The following MYO1H variants were observed in gnomAD, a reference collection of about 807,000 sequenced individuals.
MYO1H encodes the protein myosin IH, also known as unconventional myosin-Ih.
In MYO1H, 118 loss-of-function variants were observed where a neutral mutation model predicts 149.3. The ratio of observed to expected loss-of-function variants is 0.79; its 90% CI spans 0.68 to 0.92. MYO1H has a LOEUF of 0.92. Among genes scored for constraint, MYO1H ranks in the 40% least tolerant of loss-of-function variants. MYO1H has a pLI of 0.00. For missense variants in MYO1H, 1,212 were observed against 1,280.7 expected (o/e 0.95, Z 0.82); for synonymous variants, 447 against 465.2 (o/e 0.96, Z 0.50).
chr12:109,442,795 C>CTGCCTTTTTTTTTTTTTTTTTT (rs1165995755), intron 27 of MYO1H, among the ~76,000 whole-genome samples: 2 of 94,040 alleles, frequency 2.1e-5, no homozygotes, highest in Admixed American at 1.1e-4. Context: ...AGTGTCTGCT[C>CTGCCTTTTTTTTTTTTTTTTTT]TTTTTTTTTT....
At chr12:109,439,852 C>G in intron 24 of MYO1H, 62 bp downstream of exon 24, 1 of 1,458,464 alleles carries the variant, frequency 6.9e-7, no homozygotes, top group Non-Finnish European at 9.5e-7. Context: ...AAGCTTAACT[C>G]TTGCATGTCT....
chr12:109,332,438 G>T, the MYO1H span, among the ~76,000 whole-genome samples: 2 of 152,276 alleles, frequency 1.3e-5, no homozygotes, highest in South Asian at 4.1e-4. Flanking sequence ...CTTCCTAGGG[G>T]CAGACATCCT....
intron 22 of MYO1H, among the ~76,000 whole-genome samples, chr12:109,437,214 C>T (rs1871897206): frequency 6.6e-6 from 1 of 152,192 alleles, no homozygotes; most frequent in African/African-American, 2.4e-5. Context: ...ACACTCCCAC[C>T]CACACGCATA....
At chr12:109,443,009 A>AAAAAAT (rs1371725807) in intron 27 of MYO1H, among the ~76,000 whole-genome samples, 35 of 58,496 alleles carry the variant, frequency 6.0e-4, no homozygotes, top group African/African-American at 2.4e-3. Context: ...AAAAAAAAAA[A>AAAAAAT]ATATATATAT....
At chr12:109,425,900 G>A (rs750839447) in intron 17 of MYO1H, 46 bp from the exon 18 acceptor site, 1 of 1,370,840 alleles carries the variant, frequency 7.3e-7, no homozygotes, top group Non-Finnish European at 1.0e-6. Flanking sequence ...GGAAGCAGCA[G>A]TATCTCTCTG....
At position 109,443,663 on chromosome 12, in the gene MYO1H, A is replaced by G; in HGVS notation, c.2824+14A>G. ...CAGCTCTCAAAGGTAAGAAGTGGGC[A>G]ATCTTTAAAACAATGCACTGAGTTG... On this transcript the variant is annotated intron_variant, in intron 28 of 31. Transcript: ENST00000310903. 6.2e-7 allele frequency: 1 copy of G among 1,613,358 alleles called. No homozygotes were observed. Among genetic ancestry groups the G allele is most frequent in the South Asian group, 1.1e-5 (1 of 90,966 alleles).
intron 1 of MYO1H, among the ~76,000 whole-genome samples, chr12:109,353,848 T>C (rs1868522711): frequency 6.6e-6 from 1 of 152,126 alleles, no homozygotes; most frequent in Non-Finnish European, 1.5e-5. Flanking sequence ...GAAACGGGGT[T>C]TCACCATGTC....
intron 1 of MYO1H, among the ~76,000 whole-genome samples, chr12:109,365,445 A>C (rs1473721466): frequency 1.3e-5 from 2 of 152,204 alleles, no homozygotes; most frequent in African/African-American, 4.8e-5. Flanking sequence ...TCTATTTAGC[A>C]TTATGGCTTC....
rs544365220 is a variant in MYO1H at position 109,439,455 on chromosome 12, A to G, written c.2295-176A>G. On this transcript the variant is annotated intron_variant, in intron 23 of 31. Coordinates refer to ENST00000310903, the Ensembl canonical transcript of MYO1H. ...AATTAAAGCTCCTCAAAACAAAACAAAAGGCCGTGTGGGTGAAATCGAACA... is the reference window on the plus strand; with the variant it reads ...AATTAAAGCTCCTCAAAACAAAACAGAAGGCCGTGTGGGTGAAATCGAACA... 10 of 520,674 alleles carry G rather than the reference A, an allele frequency of 1.9e-5. No individual in the cohort carries two copies. In the Admixed American group the frequency reaches 2.3e-4, roughly 12 times the overall value. The allele number at this position is 520,674 out of a possible 1,614,324, so 32.3% of individuals were successfully genotyped here.
the MYO1H span, among the ~76,000 whole-genome samples, chr12:109,327,464 T>C: frequency 6.6e-6 from 1 of 151,328 alleles, no homozygotes; most frequent in Admixed American, 6.6e-5. Context: ...GAAGAAAAAG[T>C]GCTGGCTGGG....
chr12:109,426,578 G>A (rs1310006622), intron 18 of MYO1H, among the ~76,000 whole-genome samples: 1 of 152,132 alleles, frequency 6.6e-6, no homozygotes, highest in Admixed American at 6.6e-5. Context: ...TTCAGAGTGA[G>A]CATTTCTCAG....
upstream of MYO1H, among the ~76,000 whole-genome samples, chr12:109,345,885 T>C (rs10850060): frequency 0.51 from 76,942 of 151,980 alleles, 20,267 homozygotes; most frequent in African/African-American, 0.63. Context: ...TCATATGAAA[T>C]GTCCATGATA....
At chr12:109,417,286 A>G (rs933969024) in intron 15 of MYO1H, among the ~76,000 whole-genome samples, 2 of 152,178 alleles carry the variant, frequency 1.3e-5, no homozygotes, top group African/African-American at 4.8e-5. Context: ...AGGGGTTCCA[A>G]TATCTCCACA....
intron 1 of MYO1H, among the ~76,000 whole-genome samples, chr12:109,361,607 A>G (rs1447540496): frequency 6.6e-6 from 1 of 152,070 alleles, no homozygotes; most frequent in Non-Finnish European, 1.5e-5. Flanking sequence ...GGAGTTCATG[A>G]CCAGCTTGGC....
At chr12:109,310,530 G>C in the MYO1H span, among the ~76,000 whole-genome samples, 1 of 152,156 alleles carries the variant, frequency 6.6e-6, no homozygotes, top group South Asian at 2.1e-4. Flanking sequence ...GGCACCCGAA[G>C]CGTCTGGAGT....
chr12:109,320,455 C>CA, the MYO1H span, among the ~76,000 whole-genome samples: 37,935 of 63,544 alleles, frequency 0.6, 10,349 homozygotes, highest in Non-Finnish European at 0.62. Context: ...ATTAAAAATA[C>CA]AAAAAAAAAA....
At chr12:109,361,762 T>G (rs1868752427) in intron 1 of MYO1H, among the ~76,000 whole-genome samples, 1 of 145,990 alleles carries the variant, frequency 6.8e-6, no homozygotes, top group Non-Finnish European at 1.5e-5. Context: ...TGAGCTGTGA[T>G]TGTGCCACTG....
chr12:109,427,271 G>A (rs1592812411), intron 18 of MYO1H, among the ~76,000 whole-genome samples, 198 bp from the exon 19 acceptor site: 2 of 147,400 alleles, frequency 1.4e-5, no homozygotes, highest in Admixed American at 7.0e-5. Context: ...AGCCGAGATT[G>A]TGCCACTGCA....
intron 3 of MYO1H, 144 bp downstream of exon 3, chr12:109,393,590 T>C (rs1164061229): frequency 1.6e-6 from 1 of 640,772 alleles, no homozygotes; most frequent in Non-Finnish European, 2.8e-6. Context: ...CACCCATCCA[T>C]TCATCCACCT....
Sources: gnomAD v4.1 joint callset for allele counts (sites outside exome capture counted in the v4.1 genomes callset) on GRCh38, gnomAD v4.1.1 for gene constraint, MANE v1.5 for transcripts, NCBI Gene and HGNC (gene_info 2026-07-23, HGNC 2026-07-21) for gene names.